Variants in RSPO2 observed in about 807,000 individuals in gnomAD.
The protein encoded by RSPO2 is R-spondin-2.
RSPO2 carries 14 observed loss-of-function variants against 30.9 expected under a neutral mutation model. That is an observed-to-expected ratio of 0.45 (90% CI 0.30 to 0.71). The LOEUF (loss-of-function observed/expected upper bound fraction) is 0.71, where lower values mean the gene tolerates loss of function less well. Among genes scored for constraint, RSPO2 ranks in the 30% least tolerant of loss-of-function variants. The pLI, the probability that RSPO2 is intolerant of heterozygous loss-of-function variation, is 0.08. For synonymous variants in RSPO2, 107 were observed against 96.4 expected (o/e 1.11, Z -0.64); for missense variants, 264 against 301.9 (o/e 0.87, Z 0.93).
intron 2 of RSPO2, among the ~76,000 whole-genome samples, chr8:108,050,023 G>T (rs1264418486): frequency 1.3e-5 from 2 of 152,020 alleles, no homozygotes; most frequent in Non-Finnish European, 2.9e-5. Flanking sequence ...TGTACCCTAA[G>T]CTTGGAATTA....
At chr8:108,033,649 A>T (rs1010889390) in intron 2 of RSPO2, among the ~76,000 whole-genome samples, 1 of 152,354 alleles carries the variant, frequency 6.6e-6, no homozygotes, top group South Asian at 2.1e-4. Flanking sequence ...ATAGCCTTAC[A>T]AGTCTTTGTG....
intron 5 of RSPO2, among the ~76,000 whole-genome samples, chr8:107,924,900 T>C (rs901640894): frequency 4.6e-5 from 7 of 150,742 alleles, no homozygotes; most frequent in Non-Finnish European, 1.0e-4. Context: ...GCAAAAAAAA[T>C]GAAAGCTTTT....
At chr8:107,908,733 GCACTGCT>G in intron 5 of RSPO2, among the ~76,000 whole-genome samples, 1 of 152,226 alleles carries the variant, frequency 6.6e-6, no homozygotes, top group African/African-American at 2.4e-5. Context: ...AAATATAATT[GCACTGCT>G]GTTAAAAAGA....
chr8:107,929,690 C>A (rs902816397), intron 5 of RSPO2, among the ~76,000 whole-genome samples: 12 of 152,060 alleles, frequency 7.9e-5, no homozygotes, highest in Non-Finnish European at 1.5e-4. Context: ...CAGTGTCTGT[C>A]TCTCACCTTA....
intron 5 of RSPO2, among the ~76,000 whole-genome samples, chr8:107,923,423 G>C (rs80081056): frequency 6.6e-6 from 1 of 152,128 alleles, no homozygotes. Context: ...AATATCAGAC[G>C]CTAGTGAGGT....
intron 2 of RSPO2, among the ~76,000 whole-genome samples, chr8:108,063,916 C>T (rs1812566401): frequency 6.6e-6 from 1 of 152,164 alleles, no homozygotes; most frequent in South Asian, 2.1e-4. Context: ...CTGAGAAAAA[C>T]AAGCAATGGG....
chr8:108,028,891 A>C (rs944060592), intron 2 of RSPO2, among the ~76,000 whole-genome samples: 2 of 152,096 alleles, frequency 1.3e-5, no homozygotes, highest in Non-Finnish European at 2.9e-5. Context: ...TATCACTTTC[A>C]TAGCACATTG....
Position 107,934,136 on chromosome 8 carries a change from C to T in RSPO2, c.616+23944G>A, listed in dbSNP as rs75248817. ...ACAAAATTAAGTTCTGGCAAGATGT[C>T]GTAAGGCTAGTACTCATGCTGGTAG... On this transcript the variant is annotated intron_variant, in intron 5 of 5. Coordinates refer to ENST00000276659, the MANE Select transcript of RSPO2 (RefSeq NM_178565.5). Among the ~76,000 whole-genome samples, 653 of 152,232 alleles carry T rather than the reference C, an allele frequency of 4.3e-3. 4 individuals are homozygous for T. Among genetic ancestry groups the T allele is most frequent in the African/African-American group, 0.011 (477 of 41,530 alleles).
At chr8:108,074,127 T>C (rs1168919525) in intron 2 of RSPO2, among the ~76,000 whole-genome samples, 1 of 152,172 alleles carries the variant, frequency 6.6e-6, no homozygotes, top group Non-Finnish European at 1.5e-5. Flanking sequence ...GGACCCCAAG[T>C]TAAGAAACCC....
At chr8:107,917,165 C>T (rs891687791) in intron 5 of RSPO2, among the ~76,000 whole-genome samples, 1 of 152,116 alleles carries the variant, frequency 6.6e-6, no homozygotes, top group Admixed American at 6.6e-5. Context: ...CAAGTTTCTT[C>T]TATCAGAGTA....
At chr8:107,913,160 G>A (rs1586535905) in intron 5 of RSPO2, among the ~76,000 whole-genome samples, 3 of 152,142 alleles carry the variant, frequency 2.0e-5, no homozygotes, top group African/African-American at 4.8e-5. Context: ...CAGGCAGTAA[G>A]TAGTAGAGTT....
intron 2 of RSPO2, among the ~76,000 whole-genome samples, chr8:108,049,925 G>C (rs1268129784): frequency 6.6e-6 from 1 of 152,070 alleles, no homozygotes. Flanking sequence ...ACATTCTATA[G>C]AGTTACATAT....
intron 5 of RSPO2, among the ~76,000 whole-genome samples, chr8:107,905,775 A>AT (rs10646586): frequency 0.77 from 114,352 of 149,244 alleles, 43,931 homozygotes; most frequent in African/African-American, 0.84. Context: ...GTACTGTACC[A>AT]TTTTTTTTTT....
intron 4 of RSPO2, among the ~76,000 whole-genome samples, chr8:107,959,053 A>G (rs566571111): frequency 6.6e-6 from 1 of 152,338 alleles, no homozygotes; most frequent in African/African-American, 2.4e-5. Flanking sequence ...CTAAAGTAGA[A>G]GACACTATTT....
rs1586522142 is a variant in RSPO2, at chr8:107,901,123, G to A, written c.684C>T (p.Ala228=). The change falls in exon 6 of 6, where the codon GCC becomes GCT. Residue 228 remains alanine, a synonymous_variant. Transcript: ENST00000276659. ...CTAGGAAGACGCTGTGTTGCTCCTGGGCCCTTTCTATCAGCTTCCTTTTCT... is the reference window on the plus strand; with the variant it reads ...CTAGGAAGACGCTGTGTTGCTCCTGAGCCCTTTCTATCAGCTTCCTTTTCT... ...KKKKRKLIER[A]QEQHSVFLAT... is the part of the protein sequence containing the mutation. The A allele has an allele frequency of 2.5e-6, 4 of 1,613,916 alleles. No homozygotes were observed. The South Asian group carries it at 4.4e-5, about 18-fold the overall frequency.
intron 2 of RSPO2, among the ~76,000 whole-genome samples, chr8:108,012,103 T>A (rs1810727807): frequency 1.3e-5 from 2 of 152,232 alleles, no homozygotes; most frequent in Admixed American, 1.3e-4. Context: ...CTATAGTATT[T>A]GGATCCTGCT....
intron 3 of RSPO2, among the ~76,000 whole-genome samples, chr8:107,988,111 G>A (rs117763488): frequency 0.012 from 1,797 of 152,056 alleles, 14 homozygotes; most frequent in South Asian, 0.037. Context: ...GGCTGACCTA[G>A]AAGACGAGAC....
intron 2 of RSPO2, among the ~76,000 whole-genome samples, chr8:108,064,767 C>G (rs13267314): frequency 0.052 from 7,873 of 152,102 alleles, 633 homozygotes; most frequent in African/African-American, 0.17. Flanking sequence ...ATACTTGGAA[C>G]CAACCCAAAT....
At chr8:108,060,071 G>C (rs1347604862) in intron 2 of RSPO2, among the ~76,000 whole-genome samples, 1 of 151,718 alleles carries the variant, frequency 6.6e-6, no homozygotes, top group South Asian at 2.1e-4. Context: ...TGGCCAAATA[G>C]GAACAGCTCC....
Sources: allele counts gnomAD v4.1 joint callset (sites outside exome capture counted in the v4.1 genomes callset), GRCh38; gene constraint gnomAD v4.1.1; transcripts MANE v1.5; gene names NCBI Gene and HGNC (gene_info 2026-07-23, HGNC 2026-07-21).